The following B3GALNT2 variants were observed in gnomAD, a reference collection of about 807,000 sequenced individuals.
B3GALNT2 encodes the protein UDP-GalNAc:beta-1,3-N-acetylgalactosaminyltransferase 2.
In B3GALNT2, 53 loss-of-function variants were observed where a neutral mutation model predicts 61.1. The ratio of observed to expected loss-of-function variants is 0.87; its 90% CI spans 0.70 to 1.09. The LOEUF is 1.09. Among genes scored for constraint, B3GALNT2 ranks in the 50% least tolerant of loss-of-function variants. The pLI is 0.00. For synonymous variants in B3GALNT2, 223 were observed against 237.4 expected (o/e 0.94, Z 0.56); for missense variants, 544 against 623.0 (o/e 0.87, Z 1.35).
At chr1:235,446,214 C>CA (rs1682269830), downstream of B3GALNT2, among the ~76,000 whole-genome samples, 1 of 151,836 alleles carries the variant, frequency 6.6e-6, no homozygotes. Context: ...CTCATTCTGT[C>CA]ACCCAGGCTA....
intron 9 of B3GALNT2, 120 bp downstream of exon 9, chr1:235,455,439 G>C: frequency 9.4e-7 from 1 of 1,059,530 alleles, no homozygotes; most frequent in Non-Finnish European, 1.4e-6. Context: ...ATAAACCCAG[G>C]AGTCTAGTAC....
chr1:235,491,636 T>G (rs2102857817), intron 2 of B3GALNT2, among the ~76,000 whole-genome samples: 1 of 152,176 alleles, frequency 6.6e-6, no homozygotes, highest in African/African-American at 2.4e-5. Flanking sequence ...CTTCCTAGCC[T>G]CCTCCTCCAT....
At chr1:235,451,513 G>A (rs562181032) in intron 11 of B3GALNT2, 12 of 144,266 alleles carry the variant, frequency 8.3e-5, no homozygotes, top group East Asian at 4.0e-4. Context: ...GAAAACAAGC[G>A]CCATGAACAA....
downstream of B3GALNT2, among the ~76,000 whole-genome samples, chr1:235,443,450 G>A (rs187026854): frequency 6.8e-3 from 1,041 of 152,212 alleles, 12 homozygotes; most frequent in African/African-American, 0.024. Context: ...CCATCCTCCT[G>A]CCTCAGCCTC....
chr1:235,487,106 A>G (rs1684843671), intron 3 of B3GALNT2, among the ~76,000 whole-genome samples: 1 of 151,112 alleles, frequency 6.6e-6, no homozygotes, highest in Non-Finnish European at 1.5e-5. Context: ...GGTTGCAGTG[A>G]GCCGAGATCG....
At chr1:235,479,006 T>G (rs367937305) in intron 5 of B3GALNT2, 1 of 152,242 alleles carries the variant, frequency 6.6e-6, no homozygotes, top group Non-Finnish European at 1.5e-5. Context: ...ATAAGCAGTA[T>G]GCTGAGAGTA....
chr1:235,480,265 G>A lies in B3GALNT2; in HGVS notation c.556-116C>T, dbSNP rs373123451. On this transcript the variant is annotated intron_variant, in intron 4 of 11. Coordinates refer to ENST00000366600, the MANE Select transcript of B3GALNT2 (RefSeq NM_152490.5). ...CTAAATCCACAATGGCCCTAACCACGGTCACTAACATGGTTCTACTGTGGT... is the reference window on the plus strand; with the variant it reads ...CTAAATCCACAATGGCCCTAACCACAGTCACTAACATGGTTCTACTGTGGT... 2.1e-5 allele frequency: 31 copies of A among 1,446,992 alleles called. No homozygotes were observed. The East Asian group carries it at 3.8e-4, about 18-fold the overall frequency. The allele number at this position is 1,446,992 out of a possible 1,614,324, so 89.6% of individuals were successfully genotyped here. A position where few individuals can be genotyped will look rare whatever the true frequency, so the allele number is the denominator to read the frequency against.
rs374406213 is a variant in B3GALNT2, at chr1:235,463,013, G to GTA, written c.841+2621_841+2622dup. Among the ~76,000 whole-genome samples, 931 of 151,352 alleles carry GTA rather than the reference G, an allele frequency of 6.2e-3. 8 individuals are homozygous for GTA. Among genetic ancestry groups the GTA allele is most frequent in the African/African-American group, 0.019 (803 of 41,312 alleles). ...TCAATCAATGAGTAAAGAAAATGTGGTATATATATATATACCATGGAGTAC... is the reference window on the plus strand; with the variant it reads ...TCAATCAATGAGTAAAGAAAATGTGGTATATATATATATATACCATGGAGTAC... On this transcript the variant is annotated intron_variant, in intron 7 of 11. Transcript: ENST00000366600.
chr1:235,476,160 C>A (rs774381513), intron 5 of B3GALNT2, among the ~76,000 whole-genome samples: 1 of 152,082 alleles, frequency 6.6e-6, no homozygotes, highest in African/African-American at 2.4e-5. Context: ...GTAATCCCAG[C>A]ACTTTGGGAG....
rs1682801835 is a variant in B3GALNT2 at position 235,450,120 on chromosome 1, A to G, written c.*86T>C. 5.3e-6 allele frequency: 8 copies of G among 1,505,428 alleles called. No individual in the cohort carries two copies. The South Asian group carries it at 8.1e-5, about 15-fold the overall frequency. 93.3% of individuals were successfully genotyped at this position (1,505,428 alleles called of 1,614,324 possible). A position where few individuals can be genotyped will look rare whatever the true frequency, so the allele number is the denominator to read the frequency against. On this transcript the variant is annotated 3_prime_UTR_variant, in exon 12 of 12. Coordinates refer to ENST00000366600, the MANE Select transcript of B3GALNT2 (RefSeq NM_152490.5). ...ACTCTCTTGAAAGACCATACAGTCT[A>G]CTGCTAAACCCTGGGACTCCTCAGA...
intron 4 of B3GALNT2, 55 bp downstream of exon 4, chr1:235,484,267 G>A (rs1572538500): frequency 1.3e-6 from 2 of 1,520,096 alleles, no homozygotes; most frequent in East Asian, 4.6e-5. Context: ...ACAAGGAAAA[G>A]TTGATGTTTT....
At chr1:235,490,706 T>C (rs1232517305) in intron 2 of B3GALNT2, among the ~76,000 whole-genome samples, 1 of 151,924 alleles carries the variant, frequency 6.6e-6, no homozygotes, top group South Asian at 2.1e-4. Flanking sequence ...AGCCTTTATT[T>C]AAAATTAAAT....
chr1:235,481,178 C>T (rs973106948), intron 4 of B3GALNT2, among the ~76,000 whole-genome samples: 10 of 152,090 alleles, frequency 6.6e-5, no homozygotes, highest in Admixed American at 6.6e-5. Flanking sequence ...GTTTTTGCAT[C>T]GTGACTACCC....
At position 235,449,211 on chromosome 1, in the gene B3GALNT2, A is replaced by G. The variant is rs1420527458; in HGVS notation, c.*995T>C. 3 of 216,956 alleles carry G rather than the reference A, an allele frequency of 1.4e-5. No individual in the cohort carries two copies. Among genetic ancestry groups the G allele is most frequent in the Admixed American group, 5.3e-5 (1 of 18,894 alleles). The allele number at this position is 216,956 out of a possible 1,614,324, so 13.4% of individuals were successfully genotyped here. ...TAAACTTGGGGAGACATCCTCTACT[A>G]TGTATAACAATATGCTATTATCTGT... On this transcript the variant is annotated 3_prime_UTR_variant, in exon 12 of 12. Transcript: ENST00000366600.
chr1:235,466,375 C>T (rs935549672), intron 6 of B3GALNT2, among the ~76,000 whole-genome samples: 1 of 151,790 alleles, frequency 6.6e-6, no homozygotes, highest in Non-Finnish European at 1.5e-5. Flanking sequence ...GGCCTAATTT[C>T]ATTTTACAGA....
intron 7 of B3GALNT2, among the ~76,000 whole-genome samples, chr1:235,462,486 TTAAG>T (rs1211704087): frequency 1.3e-5 from 2 of 152,192 alleles, no homozygotes; most frequent in East Asian, 1.9e-4. Context: ...TTTAAAATGA[TTAAG>T]TAATAAATAC....
downstream of B3GALNT2, among the ~76,000 whole-genome samples, chr1:235,446,430 G>C (rs1257909434): frequency 3.3e-5 from 5 of 151,970 alleles, no homozygotes; most frequent in Admixed American, 2.0e-4. Context: ...GCCCGCCTCG[G>C]CCTCCCAAAG....
At chr1:235,494,302 A>T (rs936785887) in intron 2 of B3GALNT2, among the ~76,000 whole-genome samples, 3 of 151,974 alleles carry the variant, frequency 2.0e-5, no homozygotes, top group Non-Finnish European at 4.4e-5. Context: ...CAGTGAATAT[A>T]CTCTCTTCCA....
chr1:235,450,655 G>A, intron 11 of B3GALNT2: 1 of 294,892 alleles, frequency 3.4e-6, no homozygotes, highest in South Asian at 4.3e-5. Context: ...GTAAAGGTGT[G>A]TCTATGGCAG....
Sources: allele counts gnomAD v4.1 joint callset (sites outside exome capture counted in the v4.1 genomes callset), GRCh38; gene constraint gnomAD v4.1.1; transcripts MANE v1.5; gene names NCBI Gene and HGNC (gene_info 2026-07-23, HGNC 2026-07-21).